CACNB2: variants seen among roughly 807,000 people sequenced by gnomAD.
The protein encoded by CACNB2 is calcium voltage-gated channel auxiliary subunit beta 2.
In CACNB2, 42 loss-of-function variants were observed where a neutral mutation model predicts 73.3. The observed-to-expected ratio is 0.57, with a 90% CI of 0.45 to 0.74. The LOEUF is 0.74. Ranked by LOEUF, CACNB2 falls within the 30% of genes least tolerant of loss-of-function variation. The probability of loss-of-function intolerance (pLI) is 0.00; values close to 1 mark genes in which losing one functional copy is unlikely to be tolerated. For missense variants in CACNB2, 940 were observed against 853.0 expected (o/e 1.10, Z -1.27); for synonymous variants, 348 against 310.3 (o/e 1.12, Z -1.28).
At chr10:18,361,384 A>G (rs2042131051) in intron 2 of CACNB2, among the ~76,000 whole-genome samples, 1 of 151,476 alleles carries the variant, frequency 6.6e-6, no homozygotes, top group Non-Finnish European at 1.5e-5. Flanking sequence ...TTGAAGTCCC[A>G]GCAACTTGGG....
At chr10:18,498,680 A>G (rs2049987775) in intron 4 of CACNB2, 1 of 577,682 alleles carries the variant, frequency 1.7e-6, no homozygotes, top group South Asian at 2.0e-5. Context: ...GGCCTCTTGC[A>G]ATAACTTCAG....
At chr10:18,359,838 G>A (rs1231024790) in intron 2 of CACNB2, among the ~76,000 whole-genome samples, 1 of 151,230 alleles carries the variant, frequency 6.6e-6, no homozygotes, top group African/African-American at 2.4e-5. Context: ...TTTAATTATT[G>A]TACTTTGAAT....
At chr10:18,291,068 G>C (rs2039046551) in intron 2 of CACNB2, among the ~76,000 whole-genome samples, 1 of 152,210 alleles carries the variant, frequency 6.6e-6, no homozygotes, top group Non-Finnish European at 1.5e-5. Flanking sequence ...TCAACAACAG[G>C]TGCGCAGTGA....
intron 1 of CACNB2, among the ~76,000 whole-genome samples, chr10:18,148,054 A>G (rs1048468804): frequency 3.3e-5 from 5 of 151,936 alleles, no homozygotes; most frequent in African/African-American, 1.2e-4. Context: ...TTATTATAAT[A>G]ACAAAATAAC....
intron 2 of CACNB2, among the ~76,000 whole-genome samples, chr10:18,326,832 T>C (rs1436637950): frequency 6.6e-6 from 1 of 152,100 alleles, no homozygotes; most frequent in Non-Finnish European, 1.5e-5. Context: ...GCTCAAGCAA[T>C]CCTCCCGCTT....
chr10:18,504,434 T>C (rs1444140325), intron 5 of CACNB2, among the ~76,000 whole-genome samples: 1 of 64,670 alleles, frequency 1.5e-5, no homozygotes, highest in African/African-American at 7.5e-5. Flanking sequence ...GTTTTGCTCT[T>C]GCATTTTTTT....
At chr10:18,299,096 A>AAGAAG (rs1201993952) in intron 2 of CACNB2, among the ~76,000 whole-genome samples, 1 of 150,642 alleles carries the variant, frequency 6.6e-6, no homozygotes, top group Non-Finnish European at 1.5e-5. Context: ...AATAAAAGAA[A>AAGAAG]AAATAAAAAG....
At chr10:18,164,947 T>A (rs1012603434) in intron 2 of CACNB2, among the ~76,000 whole-genome samples, 4 of 151,970 alleles carry the variant, frequency 2.6e-5, no homozygotes, top group Admixed American at 2.0e-4. Flanking sequence ...TATTCATTCA[T>A]TTTTTTTCAC....
chr10:18,523,896 A>G (rs1055346468), intron 9 of CACNB2, among the ~76,000 whole-genome samples: 4 of 152,238 alleles, frequency 2.6e-5, no homozygotes, highest in Non-Finnish European at 5.9e-5. Context: ...AGTTATGCGA[A>G]AGGTTCTAGG....
intron 5 of CACNB2, among the ~76,000 whole-genome samples, chr10:18,501,360 C>A (rs1220349829): frequency 6.6e-6 from 1 of 152,230 alleles, no homozygotes; most frequent in Non-Finnish European, 1.5e-5. Flanking sequence ...CAGGCAGTGG[C>A]AGCTCTTGTC....
At chr10:18,294,019 AT>A (rs1588963316) in intron 2 of CACNB2, among the ~76,000 whole-genome samples, 1 of 152,118 alleles carries the variant, frequency 6.6e-6, no homozygotes, top group African/African-American at 2.4e-5. Flanking sequence ...GCCAGTTTCC[AT>A]TTGGATATTT....
In CACNB2 at chr10:18,527,618, C is replaced by T; in HGVS notation, c.975C>T (p.Ile325=). 6.2e-7 allele frequency: 1 copy of T among 1,613,988 alleles called. No individual in the cohort carries two copies. The highest frequency in any genetic ancestry group is 8.5e-7 in the Non-Finnish European group (1 of 1,179,888). The part of the protein sequence containing the change: ...RISITRVTAD[I]SLAKRSVLNN... ...CCATCACAAGGGTCACCGCTGACAT[C>T]TCGCTTGCCAAACGCTCGGTATTAA... Residue 325 remains isoleucine, a synonymous_variant, in exon 10 of 14, where the codon ATC becomes ATT. Transcript: ENST00000324631.
At chr10:18,413,387 C>T (rs1320107750) in intron 3 of CACNB2, among the ~76,000 whole-genome samples, 5 of 152,220 alleles carry the variant, frequency 3.3e-5, no homozygotes, top group Non-Finnish European at 7.3e-5. Flanking sequence ...CATACTTCTC[C>T]AGGCTTCAGC....
At chr10:18,255,460 T>A (rs2037245523) in intron 2 of CACNB2, among the ~76,000 whole-genome samples, 1 of 152,198 alleles carries the variant, frequency 6.6e-6, no homozygotes, top group African/African-American at 2.4e-5. Context: ...AAAGATCTTA[T>A]TAGCTTGTAA....
chr10:18,151,186 G>C (rs1269449845), intron 2 of CACNB2: 7 of 499,748 alleles, frequency 1.4e-5, no homozygotes, highest in Non-Finnish European at 2.1e-5. Context: ...GCAAGTTGAG[G>C]AAAGAGAAGT....
chr10:18,466,501 A>G (rs2047895268), intron 3 of CACNB2, among the ~76,000 whole-genome samples: 2 of 152,062 alleles, frequency 1.3e-5, no homozygotes, highest in Non-Finnish European at 2.9e-5. Context: ...TCAATATTTT[A>G]CCTGTATTTC....
chr10:18,198,912 T>G (rs965670284), intron 2 of CACNB2, among the ~76,000 whole-genome samples: 1 of 152,220 alleles, frequency 6.6e-6, no homozygotes, highest in Non-Finnish European at 1.5e-5. Context: ...TAAAATTCAC[T>G]CATTAATATA....
In CACNB2 at chr10:18,539,297, A is replaced by C; in HGVS notation, c.1556A>C (p.Glu519Ala). The change falls in exon 14 of 14, where the codon GAA (glutamate) becomes GCA (alanine). Residue 519 changes from glutamate to alanine, a missense_variant. Coordinates refer to ENST00000324631, the MANE Select transcript of CACNB2 (RefSeq NM_201596.3). Reference protein sequence around the residue: ...PIRSASQAEEEPSVEPVKKSQ... With the variant: ...PIRSASQAEEAPSVEPVKKSQ... ...CGTTCTGCTTCCCAAGCTGAAGAAG[A>C]ACCTAGTGTGGAACCAGTCAAGAAA... The C allele has an allele frequency of 1.2e-6, 2 of 1,613,998 alleles. No individual in the cohort carries two copies. Among genetic ancestry groups the C allele is most frequent in the Non-Finnish European group, 1.7e-6 (2 of 1,179,988 alleles).
chr10:18,378,500 G>C (rs1463653515), intron 2 of CACNB2, among the ~76,000 whole-genome samples: 4 of 152,160 alleles, frequency 2.6e-5, no homozygotes, highest in African/African-American at 7.2e-5. Context: ...TGTAATCTTA[G>C]AACTTTGGGA....
Sources: allele counts gnomAD v4.1 joint callset (sites outside exome capture counted in the v4.1 genomes callset), GRCh38; gene constraint gnomAD v4.1.1; transcripts MANE v1.5; gene names NCBI Gene and HGNC (gene_info 2026-07-23, HGNC 2026-07-21).